LINGO2: variants seen among roughly 807,000 people sequenced by gnomAD.
LINGO2 encodes the protein leucine rich repeat and Ig domain containing 2.
In LINGO2, 14 loss-of-function variants were observed where a neutral mutation model predicts 30.6. The observed-to-expected ratio is 0.46, with a 90% CI of 0.30 to 0.72. The LOEUF (loss-of-function observed/expected upper bound fraction) is 0.72. Ranked by LOEUF, LINGO2 falls within the 30% of genes least tolerant of loss-of-function variation. LINGO2 has a pLI of 0.07. For synonymous variants in LINGO2, 317 were observed against 288.5 expected, an observed-to-expected ratio of 1.10 and a Z score of -1.00; for missense variants, 729 against 751.7, an observed-to-expected ratio of 0.97 and a Z score of 0.35.
At chr9:29,158,310 C>G in the LINGO2 span, among the ~76,000 whole-genome samples, 1 of 151,930 alleles carries the variant, frequency 6.6e-6, no homozygotes, top group Non-Finnish European at 1.5e-5. Context: ...GAGCTGAGAT[C>G]CTGTCACTGC....
intron 4 of LINGO2, among the ~76,000 whole-genome samples, chr9:28,213,424 C>T (rs185531836): frequency 6.6e-6 from 1 of 151,538 alleles, no homozygotes; most frequent in Non-Finnish European, 1.5e-5. Flanking sequence ...CAAACAATTT[C>T]AAGGAAATAA....
chr9:28,257,966 A>T (rs1431526496), intron 4 of LINGO2, among the ~76,000 whole-genome samples: 1 of 151,968 alleles, frequency 6.6e-6, no homozygotes. Flanking sequence ...TGATTAACGC[A>T]TAAAAAGCAG....
At chr9:28,409,602 G>A (rs1278391395) in intron 2 of LINGO2, among the ~76,000 whole-genome samples, 1 of 147,906 alleles carries the variant, frequency 6.8e-6, no homozygotes, top group Non-Finnish European at 1.5e-5. Flanking sequence ...TACAAAGCTG[G>A]CTTAACAGAT....
At chr9:28,416,266 A>G (rs2134848485) in intron 2 of LINGO2, among the ~76,000 whole-genome samples, 1 of 152,260 alleles carries the variant, frequency 6.6e-6, no homozygotes, top group East Asian at 1.9e-4. Context: ...ATCACTATCC[A>G]GTTTAATTAA....
At chr9:28,793,910 G>C in the LINGO2 span, among the ~76,000 whole-genome samples, 1 of 152,108 alleles carries the variant, frequency 6.6e-6, no homozygotes, top group Non-Finnish European at 1.5e-5. Flanking sequence ...AAGGAACTGG[G>C]AACTCCCAAG....
chr9:28,776,667 G>A, the LINGO2 span, among the ~76,000 whole-genome samples: 1 of 152,024 alleles, frequency 6.6e-6, no homozygotes, highest in Non-Finnish European at 1.5e-5. Context: ...GTTAAGCACA[G>A]AAAATACAAT....
chr9:28,653,435 A>G (rs1276273178), intron 1 of LINGO2, among the ~76,000 whole-genome samples: 4 of 152,150 alleles, frequency 2.6e-5, no homozygotes, highest in Admixed American at 6.6e-5. Flanking sequence ...CAACCCAACA[A>G]TAAGGGGATG....
intron 1 of LINGO2, among the ~76,000 whole-genome samples, chr9:28,554,444 G>C (rs1233660426): frequency 1.4e-5 from 2 of 143,228 alleles, no homozygotes; most frequent in East Asian, 2.1e-4. Context: ...AACAAGAAGA[G>C]CTAACTATCC....
chr9:27,944,864 A>G (rs546355556), downstream of LINGO2, among the ~76,000 whole-genome samples: 1 of 152,248 alleles, frequency 6.6e-6, no homozygotes, highest in African/African-American at 2.4e-5. Flanking sequence ...GGTCATAGAA[A>G]AAAGGTATAA....
At chr9:29,114,605 A>C in the LINGO2 span, among the ~76,000 whole-genome samples, 4 of 121,518 alleles carry the variant, frequency 3.3e-5, no homozygotes, top group Non-Finnish European at 4.7e-5. Context: ...TCCTGTGTCT[A>C]TGTGTTCTCA....
intron 1 of LINGO2, among the ~76,000 whole-genome samples, chr9:28,627,505 G>T (rs1315305069): frequency 6.6e-6 from 1 of 151,914 alleles, no homozygotes; most frequent in Non-Finnish European, 1.5e-5. Flanking sequence ...CCCCTTTTCT[G>T]CACTAAAATA....
At chr9:28,412,963 G>GTAAA in intron 2 of LINGO2, among the ~76,000 whole-genome samples, 1 of 152,014 alleles carries the variant, frequency 6.6e-6, no homozygotes, top group South Asian at 2.1e-4. Flanking sequence ...GATGATAAGG[G>GTAAA]TAAAGATCTT....
At chr9:28,649,885 G>A (rs1334215223) in intron 1 of LINGO2, among the ~76,000 whole-genome samples, 1 of 152,100 alleles carries the variant, frequency 6.6e-6, no homozygotes, top group African/African-American at 2.4e-5. Flanking sequence ...AACAGCCCCT[G>A]ATTCAACCCT....
chr9:28,473,113 C>T (rs565728163), intron 2 of LINGO2, among the ~76,000 whole-genome samples: 2 of 152,052 alleles, frequency 1.3e-5, no homozygotes, highest in South Asian at 2.1e-4. Flanking sequence ...CTTTACTGAT[C>T]TGAGATTGTG....
chr9:28,223,983 G>T (rs1199740127), intron 4 of LINGO2, among the ~76,000 whole-genome samples: 1 of 152,186 alleles, frequency 6.6e-6, no homozygotes, highest in Non-Finnish European at 1.5e-5. Context: ...GTGTAAGTGT[G>T]GAAGTTCATC....
the LINGO2 span, among the ~76,000 whole-genome samples, chr9:28,686,872 A>C: frequency 6.6e-6 from 1 of 152,040 alleles, no homozygotes; most frequent in Non-Finnish European, 1.5e-5. Flanking sequence ...CTGAAGATCC[A>C]ATTTTGAAAC....
chr9:28,221,718 T>C (rs1477695597), intron 4 of LINGO2, among the ~76,000 whole-genome samples: 3 of 152,212 alleles, frequency 2.0e-5, no homozygotes, highest in African/African-American at 7.2e-5. Flanking sequence ...ATATAAAAGA[T>C]GAAGAAATGC....
the LINGO2 span, among the ~76,000 whole-genome samples, chr9:29,071,481 TCA>T: frequency 1.4e-5 from 1 of 73,230 alleles, no homozygotes; most frequent in African/African-American, 4.9e-5. Flanking sequence ...TATTAACTGG[TCA>T]TATATATATA....
intron 4 of LINGO2, among the ~76,000 whole-genome samples, chr9:28,170,779 G>T (rs569458797): frequency 1.3e-5 from 2 of 152,048 alleles, no homozygotes; most frequent in East Asian, 3.9e-4. Context: ...TTTTATCATC[G>T]CATTTCCTTC....
Sources: allele counts gnomAD v4.1 joint callset (sites outside exome capture counted in the v4.1 genomes callset), GRCh38; gene constraint gnomAD v4.1.1; transcripts MANE v1.5; gene names NCBI Gene and HGNC (gene_info 2026-07-23, HGNC 2026-07-21).